Variants in QRICH1 observed in about 807,000 individuals in gnomAD.
The protein encoded by QRICH1 is transcriptional regulator QRICH1.
A neutral mutation model predicts 87.1 loss-of-function variants in QRICH1; 16 were observed. The ratio of observed to expected loss-of-function variants is 0.18; its 90% CI spans 0.12 to 0.28. QRICH1 has a LOEUF of 0.28. Ranked by LOEUF, QRICH1 falls within the 10% of genes least tolerant of loss-of-function variation. QRICH1 has a pLI of 1.00. For missense variants in QRICH1, 647 were observed against 951.7 expected (o/e 0.68, Z 4.21); for synonymous variants, 367 against 368.4 (o/e 1.00, Z 0.05).
intron 2 of QRICH1, among the ~76,000 whole-genome samples, chr3:49,073,539 C>T (rs555518648): frequency 2.8e-5 from 4 of 141,900 alleles, no homozygotes; most frequent in South Asian, 4.4e-4. Flanking sequence ...GACTCCATCT[C>T]GAAAAAAAAA....
intron 2 of QRICH1, among the ~76,000 whole-genome samples, chr3:49,075,194 G>A (rs1020508911): frequency 1.3e-5 from 2 of 151,770 alleles, no homozygotes; most frequent in Non-Finnish European, 1.5e-5. Context: ...GCTGCACGTG[G>A]TGGTACATGC....
chr3:49,073,595 T>A (rs774260369), intron 2 of QRICH1, among the ~76,000 whole-genome samples: 12 of 152,004 alleles, frequency 7.9e-5, no homozygotes, highest in Non-Finnish European at 1.8e-4. Flanking sequence ...TAGTTTCTCG[T>A]CTTTCAGAAA....
upstream of QRICH1, chr3:49,094,172 G>A: frequency 2.5e-6 from 1 of 395,254 alleles, no homozygotes; most frequent in Non-Finnish European, 4.5e-6. Context: ...AGCAGGGGAA[G>A]GTGGCCGCGC....
At chr3:49,091,827 T>G (rs1022188993) in intron 1 of QRICH1, among the ~76,000 whole-genome samples, 2 of 152,044 alleles carry the variant, frequency 1.3e-5, no homozygotes, top group African/African-American at 4.8e-5. Flanking sequence ...ATCCCAGCAC[T>G]TTGGGAGGCC....
chr3:49,053,337 A>G (rs990667633), intron 3 of QRICH1, among the ~76,000 whole-genome samples: 6 of 151,930 alleles, frequency 3.9e-5, no homozygotes, highest in Middle Eastern at 3.4e-3. Flanking sequence ...AAATACAAAA[A>G]ATTAGCCGGG....
intron 6 of QRICH1, among the ~76,000 whole-genome samples, chr3:49,036,213 A>G (rs1333461066): frequency 2.0e-5 from 3 of 152,240 alleles, no homozygotes; most frequent in African/African-American, 7.2e-5. Context: ...TCTGAATCTG[A>G]ACTACAGGCA....
In QRICH1 at chr3:49,057,128, T is replaced by C. The variant is rs750568504; in HGVS notation, c.1072A>G (p.Lys358Glu). 1.9e-6 allele frequency: 3 copies of C among 1,614,212 alleles called. No individual in the cohort carries two copies. Among genetic ancestry groups the C allele is most frequent in the Admixed American group, 1.7e-5 (1 of 60,018 alleles). The change falls in exon 3 of 10, where the codon AAG becomes GAG. Residue 358 changes from lysine to glutamate, a missense_variant. By Grantham distance (56) the Lys-to-Glu change is moderately conservative. This residue lies in a region of QRICH1 where 115 missense variants were observed against 126.8 expected (regional missense o/e 0.91). Coordinates refer to ENST00000395443, the MANE Select transcript of QRICH1 (RefSeq NM_198880.3). This position sits in a 1 kb window ranked among gnomAD's most constrained non-coding sequence, Gnocchi z 5.4. ...GATGTGGTGCCCACCATCTTCTCCT[T>C]GTCATCCTCCAGCTTAACAGCTGCC... The part of the protein sequence containing the change: ...ALAAVKLEDD[K>E]EKMVGTTSVV...
At chr3:49,094,284 C>G, upstream of QRICH1, 1 of 370,510 alleles carries the variant, frequency 2.7e-6, no homozygotes, top group East Asian at 3.9e-5. Context: ...GTGGCTTGGC[C>G]TAGTAGTGGA....
chr3:49,039,979 T>G lies in QRICH1; in HGVS notation c.1786+4411A>C, dbSNP rs555370774. On this transcript the variant is annotated intron_variant, in intron 6 of 9. Coordinates refer to ENST00000395443, the MANE Select transcript of QRICH1 (RefSeq NM_198880.3). ...GGGAGGCTGAGGCACGAGAATCACT[T>G]GAACCCCAGAGGCGGAGGTTGAAGT... Among the ~76,000 whole-genome samples, 136 of 150,564 alleles carry G rather than the reference T, an allele frequency of 9.0e-4. 1 individual carries two copies. Among genetic ancestry groups the G allele is most frequent in the Non-Finnish European group, 1.3e-3 (85 of 66,990 alleles).
At chr3:49,030,779 GC>G in intron 9 of QRICH1, 135 bp from the exon 10 acceptor site, 2 of 757,076 alleles carry the variant, frequency 2.6e-6, no homozygotes, top group African/African-American at 3.6e-5. Context: ...ATTCCATGCA[GC>G]CACCACACAC....
chr3:49,069,104 A>ATTTTTT (rs201458261), intron 2 of QRICH1, among the ~76,000 whole-genome samples: 18 of 103,076 alleles, frequency 1.7e-4, no homozygotes, highest in Non-Finnish European at 2.6e-4. Context: ...TATTATTATT[A>ATTTTTT]TTATTTTTTT....
chr3:49,037,987 T>G, intron 6 of QRICH1, among the ~76,000 whole-genome samples: 1 of 152,052 alleles, frequency 6.6e-6, no homozygotes, highest in East Asian at 1.9e-4. Flanking sequence ...TTTCAATATG[T>G]AGACTTAATT....
rs567632202 is a variant in QRICH1, at chr3:49,055,427, C to A, written c.1338+1435G>T. Among the ~76,000 whole-genome samples the A allele has an allele frequency of 4.6e-5, 7 of 152,308 alleles. No individual in the cohort carries two copies. The South Asian group carries it at 1.5e-3, about 32-fold the overall frequency. ...ACAGGGTCTCACTCTGTTCTCTAGG[C>A]TGAAATGCAATGGCATGATCATAGT... On this transcript the variant is annotated intron_variant, in intron 3 of 9. Transcript: ENST00000395443.
At chr3:49,085,553 G>A (rs575019627) in intron 1 of QRICH1, among the ~76,000 whole-genome samples, 1 of 152,002 alleles carries the variant, frequency 6.6e-6, no homozygotes, top group Non-Finnish European at 1.5e-5. Flanking sequence ...TCAGTAGTTT[G>A]AGACCAGCCT....
chr3:49,045,523 T>C (rs1429424447), intron 5 of QRICH1, among the ~76,000 whole-genome samples: 1 of 152,180 alleles, frequency 6.6e-6, no homozygotes, highest in African/African-American at 2.4e-5. Flanking sequence ...CTCGCACTCC[T>C]GAGCTCAAGG....
chr3:49,065,100 A>G (rs1454980724), intron 2 of QRICH1, among the ~76,000 whole-genome samples: 4 of 152,204 alleles, frequency 2.6e-5, no homozygotes, highest in Non-Finnish European at 4.4e-5. Context: ...CAAAATAATT[A>G]TAATAAGAAT....
chr3:49,084,762 CAAA>C (rs1273286297), intron 1 of QRICH1, among the ~76,000 whole-genome samples: 1 of 151,344 alleles, frequency 6.6e-6, no homozygotes, highest in East Asian at 2.0e-4. Flanking sequence ...GACTCCACCT[CAAA>C]AAATGATAAA....
chr3:49,085,490 C>A (rs1226491473), intron 1 of QRICH1, among the ~76,000 whole-genome samples: 1 of 152,136 alleles, frequency 6.6e-6, no homozygotes, highest in African/African-American at 2.4e-5. Flanking sequence ...CGAGGTGGCT[C>A]ATACCTGTAA....
At chr3:49,059,988 G>A (rs977711439) in intron 2 of QRICH1, among the ~76,000 whole-genome samples, 1 of 148,772 alleles carries the variant, frequency 6.7e-6, no homozygotes, top group Non-Finnish European at 1.5e-5. Context: ...CGGTTCAAGC[G>A]ATTCTCCTGT....
Sources: gnomAD v4.1 joint callset for allele counts (sites outside exome capture counted in the v4.1 genomes callset) on GRCh38, gnomAD v4.1.1 for gene constraint, gnomAD v4.1.1 regional missense constraint, Gnocchi (gnomAD v3.1) non-coding constraint, MANE v1.5 for transcripts, NCBI Gene and HGNC (gene_info 2026-07-23, HGNC 2026-07-21) for gene names.